The following MSRA variants were observed in gnomAD, a reference collection of about 807,000 sequenced individuals.
MSRA encodes methionine sulfoxide reductase A, also known as mitochondrial peptide methionine sulfoxide reductase.
Under a neutral mutation model 31.3 loss-of-function variants are expected in MSRA, and 54 were observed. The observed-to-expected ratio is 1.73, with a 90% confidence interval of 1.39 to 2.17. The LOEUF (loss-of-function observed/expected upper bound fraction) is 2.17, where lower values mean the gene tolerates loss of function less well. MSRA is among the 30% of genes most tolerant of loss of function. The pLI, the probability that MSRA is intolerant of heterozygous loss-of-function variation, is 0.00. For missense variants in MSRA, 507 were observed against 300.9 expected (o/e 1.69, Z -5.07); for synonymous variants, 169 against 116.5 (o/e 1.45, Z -2.90).
At chr8:10,252,191 T>A (rs1563271284) in intron 3 of MSRA, among the ~76,000 whole-genome samples, 1 of 152,148 alleles carries the variant, frequency 6.6e-6, no homozygotes, top group Non-Finnish European at 1.5e-5. Context: ...ATGAAGTGAT[T>A]TGAGAGATTT....
At chr8:10,386,294 C>G (rs1224365350) in intron 5 of MSRA, among the ~76,000 whole-genome samples, 1 of 152,192 alleles carries the variant, frequency 6.6e-6, no homozygotes, top group African/African-American at 2.4e-5. Context: ...GACTCTTCCG[C>G]TGTCCCATAT....
chr8:10,400,917 A>G (rs1243994203), intron 5 of MSRA, among the ~76,000 whole-genome samples: 1 of 152,234 alleles, frequency 6.6e-6, no homozygotes, highest in Non-Finnish European at 1.5e-5. Context: ...AAAACGATAA[A>G]TCCGTCTCAG....
At position 10,254,375 on chromosome 8, in the gene MSRA, A is replaced by G. The variant is rs145337549; in HGVS notation, c.331+9152A>G. 7.1e-3 allele frequency among the ~76,000 whole-genome samples: 1,080 copies of G among 151,964 alleles called. 38 individuals carry two copies. Among genetic ancestry groups the G allele is most frequent in the Admixed American group, 0.063 (956 of 15,280 alleles). On this transcript the variant is annotated intron_variant, in intron 3 of 5. Coordinates refer to ENST00000317173, the MANE Select transcript of MSRA (RefSeq NM_012331.5). Reference sequence around the variant, plus strand: ...TGCTTCTTCTTTCCTTGAGTTAAGGATAAGTTGTTTTTTCCACTCTGGTTT... The same window carrying G: ...TGCTTCTTCTTTCCTTGAGTTAAGGGTAAGTTGTTTTTTCCACTCTGGTTT...
intron 5 of MSRA, among the ~76,000 whole-genome samples, chr8:10,413,564 A>G (rs1303987907): frequency 3.9e-5 from 6 of 152,176 alleles, no homozygotes; most frequent in African/African-American, 1.4e-4. Context: ...CTGCTGTTAT[A>G]AAGGTGCACC....
chr8:10,201,488 C>T (rs1400197638), intron 1 of MSRA, among the ~76,000 whole-genome samples: 1 of 152,132 alleles, frequency 6.6e-6, no homozygotes, highest in Non-Finnish European at 1.5e-5. Flanking sequence ...ACTGCTTTCC[C>T]CACCCTCCTT....
intron 5 of MSRA, among the ~76,000 whole-genome samples, chr8:10,349,536 C>T (rs1044964266): frequency 1.3e-5 from 2 of 152,182 alleles, no homozygotes; most frequent in Admixed American, 6.5e-5. Context: ...CATTTGCTAA[C>T]GTGCACTCAT....
intron 5 of MSRA, among the ~76,000 whole-genome samples, chr8:10,403,916 A>T (rs781407562): frequency 6.6e-6 from 1 of 152,212 alleles, no homozygotes; most frequent in African/African-American, 2.4e-5. Context: ...TTGTATGAGG[A>T]TTAAAGAAAT....
chr8:10,375,963 C>T (rs1032275413), intron 5 of MSRA, among the ~76,000 whole-genome samples: 12 of 152,304 alleles, frequency 7.9e-5, no homozygotes, highest in Middle Eastern at 3.4e-3. Context: ...GGGAGGAAGG[C>T]GTGATTACTA....
At chr8:10,283,117 A>G (rs1799710665) in intron 3 of MSRA, among the ~76,000 whole-genome samples, 1 of 134,278 alleles carries the variant, frequency 7.4e-6, no homozygotes, top group East Asian at 2.0e-4. Flanking sequence ...ATCATATTGC[A>G]TATATTCACA....
chr8:10,212,087 T>A (rs1350198370), intron 2 of MSRA, among the ~76,000 whole-genome samples: 1 of 151,844 alleles, frequency 6.6e-6, no homozygotes, highest in Non-Finnish European at 1.5e-5. Flanking sequence ...CTTGGGAGGC[T>A]GAGGCAGGAG....
At chr8:10,214,196 G>A (rs1054501404) in intron 2 of MSRA, among the ~76,000 whole-genome samples, 4 of 152,154 alleles carry the variant, frequency 2.6e-5, no homozygotes, top group East Asian at 1.9e-4. Flanking sequence ...CTAAGGTGCC[G>A]AGTGTTCGCG....
At chr8:10,358,909 C>T (rs377687021) in intron 5 of MSRA, among the ~76,000 whole-genome samples, 1 of 152,192 alleles carries the variant, frequency 6.6e-6, no homozygotes, top group South Asian at 2.1e-4. Flanking sequence ...GGAGCAGGAA[C>T]CCTATTGTGA....
At chr8:10,079,782 G>A (rs1290835710) in intron 1 of MSRA, among the ~76,000 whole-genome samples, 1 of 152,186 alleles carries the variant, frequency 6.6e-6, no homozygotes, top group African/African-American at 2.4e-5. Flanking sequence ...TCAGAGCCAA[G>A]GTGAGAAGCC....
chr8:10,076,580 A>G (rs1272590674), intron 1 of MSRA, among the ~76,000 whole-genome samples: 3 of 152,170 alleles, frequency 2.0e-5, no homozygotes, highest in African/African-American at 7.2e-5. Context: ...CGCTTCTTGC[A>G]GGCAGTGTTG....
At chr8:10,248,002 G>A (rs558830550) in intron 3 of MSRA, among the ~76,000 whole-genome samples, 7 of 152,266 alleles carry the variant, frequency 4.6e-5, no homozygotes, top group African/African-American at 9.6e-5. Flanking sequence ...TTACACTGGC[G>A]GGCCTCCCCT....
chr8:10,327,607 G>A (rs962783513), intron 5 of MSRA, among the ~76,000 whole-genome samples: 2 of 152,098 alleles, frequency 1.3e-5, no homozygotes, highest in Non-Finnish European at 2.9e-5. Context: ...TTGTTGCGGG[G>A]AGGCGGGGAG....
intron 1 of MSRA, among the ~76,000 whole-genome samples, chr8:10,071,267 T>C (rs1797718495): frequency 6.6e-6 from 1 of 152,228 alleles, no homozygotes; most frequent in Admixed American, 6.5e-5. Context: ...ATGTTGAAGA[T>C]CTTTTAATGT....
At chr8:10,148,718 C>T (rs959292666) in intron 1 of MSRA, among the ~76,000 whole-genome samples, 2 of 141,876 alleles carry the variant, frequency 1.4e-5, no homozygotes, top group Admixed American at 7.1e-5. Context: ...AGGAGGATTG[C>T]TTGAACCCAG....
At chr8:10,101,730 G>A (rs1275653774) in intron 1 of MSRA, among the ~76,000 whole-genome samples, 1 of 152,068 alleles carries the variant, frequency 6.6e-6, no homozygotes, top group Non-Finnish European at 1.5e-5. Context: ...CTTCTTTTAT[G>A]AGGCTGAATA....
Sources: allele counts gnomAD v4.1 joint callset (sites outside exome capture counted in the v4.1 genomes callset), GRCh38; gene constraint gnomAD v4.1.1; transcripts MANE v1.5; gene names NCBI Gene and HGNC (gene_info 2026-07-23, HGNC 2026-07-21).